Variants in SPHKAP observed in about 807,000 individuals in gnomAD.
SPHKAP encodes the protein SPHK1 interactor, AKAP domain containing.
A neutral mutation model predicts 137.5 loss-of-function variants in SPHKAP; 67 were observed. The ratio of observed to expected loss-of-function variants is 0.49; its 90% CI spans 0.40 to 0.60. The LOEUF is 0.60. Ranked by LOEUF, SPHKAP falls within the 20% of genes least tolerant of loss-of-function variation. The probability of loss-of-function intolerance (pLI) is 0.00; values close to 1 mark genes in which losing one functional copy is unlikely to be tolerated. For synonymous variants in SPHKAP, 813 were observed against 785.3 expected (o/e 1.04, Z -0.59); for missense variants, 2,097 against 2,069.3 (o/e 1.01, Z -0.26).
At chr2:228,168,342 T>C (rs928057551) in intron 1 of SPHKAP, among the ~76,000 whole-genome samples, 8 of 152,198 alleles carry the variant, frequency 5.3e-5, no homozygotes, top group Admixed American at 5.2e-4. Context: ...GTGTTATAAA[T>C]GGAAGGTTTG....
chr2:228,113,537 G>A (rs1466441506), intron 2 of SPHKAP, among the ~76,000 whole-genome samples: 2 of 151,380 alleles, frequency 1.3e-5, no homozygotes, highest in Non-Finnish European at 2.9e-5. Flanking sequence ...CTAAGGCAGT[G>A]TTCCATTGAA....
intron 3 of SPHKAP, among the ~76,000 whole-genome samples, chr2:228,032,170 C>A (rs554281527): frequency 2.6e-5 from 4 of 152,048 alleles, no homozygotes; most frequent in African/African-American, 7.2e-5. Flanking sequence ...GAATAACCAA[C>A]GCAGAGAAGT....
chr2:228,039,167 A>G (rs1206009200), intron 3 of SPHKAP, among the ~76,000 whole-genome samples: 1 of 152,242 alleles, frequency 6.6e-6, no homozygotes, highest in Non-Finnish European at 1.5e-5. Flanking sequence ...CCATCTGCAG[A>G]CATACTTAGC....
intron 1 of SPHKAP, among the ~76,000 whole-genome samples, chr2:228,140,063 G>A (rs1341288200): frequency 1.3e-5 from 2 of 151,698 alleles, no homozygotes; most frequent in Admixed American, 6.6e-5. Context: ...TCCTGACTCA[G>A]CCTCCTGAGT....
intron 2 of SPHKAP, among the ~76,000 whole-genome samples, chr2:228,117,113 G>C (rs1277855888): frequency 6.6e-6 from 1 of 152,004 alleles, no homozygotes; most frequent in Non-Finnish European, 1.5e-5. Flanking sequence ...CTATCTATGA[G>C]TATTATGTAA....
At chr2:228,078,912 G>A (rs1355237044) in intron 3 of SPHKAP, among the ~76,000 whole-genome samples, 4 of 152,024 alleles carry the variant, frequency 2.6e-5, no homozygotes, top group Non-Finnish European at 2.9e-5. Context: ...ACCCACGAAC[G>A]GAGCCTCCAG....
intron 5 of SPHKAP, among the ~76,000 whole-genome samples, chr2:228,023,784 C>A (rs138669363): frequency 6.6e-6 from 1 of 152,158 alleles, no homozygotes; most frequent in Non-Finnish European, 1.5e-5. Flanking sequence ...GTGATTCACA[C>A]GGAGTTGATT....
intron 2 of SPHKAP, among the ~76,000 whole-genome samples, chr2:228,125,596 T>C (rs1574872311): frequency 6.6e-6 from 1 of 152,200 alleles, no homozygotes; most frequent in South Asian, 2.1e-4. Flanking sequence ...CAAGTCCAGA[T>C]TTGATACACA....
chr2:228,051,277 C>T (rs1696246131), intron 3 of SPHKAP, among the ~76,000 whole-genome samples: 1 of 152,038 alleles, frequency 6.6e-6, no homozygotes. Context: ...TAATTTTTGC[C>T]TTATGCAGCA....
chr2:228,025,523 C>A lies in SPHKAP; in HGVS notation c.312G>T (p.Leu104=), dbSNP rs764292492. 3 of 1,613,368 alleles carry A rather than the reference C, an allele frequency of 1.9e-6. No individual in the cohort carries two copies. The South Asian group carries it at 3.3e-5, about 18-fold the overall frequency. Residue 104 remains leucine, a synonymous_variant, in exon 5 of 12, where the codon CTG becomes CTT. Transcript: ENST00000392056. Reference sequence around the variant, plus strand: ...TTGGAAGATCTGGTGAAACGTTGACCAGTTTCTGTAAAGCAAGAATCTTTA... The same window carrying A: ...TTGGAAGATCTGGTGAAACGTTGACAAGTTTCTGTAAAGCAAGAATCTTTA... The part of the protein sequence containing the change: ...ECSTEHLQQK[L]VNVSPDLPKL...
chr2:227,982,985 C>T (rs1044576443), intron 11 of SPHKAP, among the ~76,000 whole-genome samples: 2 of 151,962 alleles, frequency 1.3e-5, no homozygotes, highest in African/African-American at 4.8e-5. Context: ...ACTTGGAGCA[C>T]TGGGAGAAAA....
intron 1 of SPHKAP, among the ~76,000 whole-genome samples, chr2:228,169,430 G>C (rs1184490180): frequency 6.6e-6 from 1 of 151,926 alleles, no homozygotes. Context: ...AAAAATCCTA[G>C]GGCCCTTAAG....
At chr2:228,080,244 C>G (rs756802403) in intron 3 of SPHKAP, among the ~76,000 whole-genome samples, 2 of 151,770 alleles carry the variant, frequency 1.3e-5, no homozygotes, top group Non-Finnish European at 2.9e-5. Context: ...GGTTAATACC[C>G]AAAATATATA....
At chr2:228,047,737 T>G (rs1490642653) in intron 3 of SPHKAP, among the ~76,000 whole-genome samples, 1 of 152,140 alleles carries the variant, frequency 6.6e-6, no homozygotes, top group Non-Finnish European at 1.5e-5. Flanking sequence ...TGCAGTTTGG[T>G]GGGCTAAACT....
chr2:227,993,694 G>T, intron 8 of SPHKAP, 74 bp from the exon 9 acceptor site: 1 of 1,318,240 alleles, frequency 7.6e-7, no homozygotes, highest in Non-Finnish European at 1.1e-6. Context: ...ATGTTCCATT[G>T]TTGTACAAGC....
At chr2:228,022,162 G>A (rs1399034795) in intron 5 of SPHKAP, 196 bp from the exon 6 acceptor site, 1 of 985,086 alleles carries the variant, frequency 1.0e-6, no homozygotes, top group Non-Finnish European at 1.2e-6. Flanking sequence ...AGGTACCTAG[G>A]AGAAAGCCTG....
chr2:228,131,107 C>A (rs1324059367), intron 2 of SPHKAP, among the ~76,000 whole-genome samples: 1 of 151,702 alleles, frequency 6.6e-6, no homozygotes, highest in Non-Finnish European at 1.5e-5. Flanking sequence ...ATATATATAT[C>A]TCTACACATA....
At chr2:228,012,487 C>T (rs1574744229) in intron 7 of SPHKAP, among the ~76,000 whole-genome samples, 1 of 152,250 alleles carries the variant, frequency 6.6e-6, no homozygotes, top group African/African-American at 2.4e-5. Flanking sequence ...TGCCAACATC[C>T]TATCTAAGTA....
intron 1 of SPHKAP, among the ~76,000 whole-genome samples, chr2:228,136,687 A>G (rs1335699385): frequency 6.6e-6 from 1 of 152,188 alleles, no homozygotes; most frequent in Non-Finnish European, 1.5e-5. Context: ...GAATCTGCAT[A>G]TTGACATTAA....
Sources: allele counts gnomAD v4.1 joint callset (sites outside exome capture counted in the v4.1 genomes callset), GRCh38; gene constraint gnomAD v4.1.1; transcripts MANE v1.5; gene names NCBI Gene and HGNC (gene_info 2026-07-23, HGNC 2026-07-21).